TLL1: variants seen among roughly 807,000 people sequenced by gnomAD.
TLL1 encodes tolloid-like protein 1.
TLL1 carries 49 observed loss-of-function variants against 128.2 expected under a neutral mutation model. The ratio of observed to expected loss-of-function variants is 0.38; its 90% confidence interval spans 0.30 to 0.48. The LOEUF (loss-of-function observed/expected upper bound fraction) is 0.48. TLL1 is among the 20% of genes least tolerant of loss of function. The pLI, the probability that TLL1 is intolerant of heterozygous loss-of-function variation, is 0.96. For missense variants in TLL1, 1,123 were observed against 1,242.0 expected (o/e 0.90, Z 1.44); for synonymous variants, 454 against 418.8 (o/e 1.08, Z -1.03).
intron 9 of TLL1, among the ~76,000 whole-genome samples, chr4:166,036,456 T>G (rs546512242): frequency 1.3e-5 from 2 of 152,194 alleles, no homozygotes; most frequent in Non-Finnish European, 2.9e-5. Flanking sequence ...GTTTTGTATT[T>G]TTCATTTGAT....
In TLL1 at chr4:166,003,518, A is replaced by C. The variant is rs74539504; in HGVS notation, c.760A>C (p.Arg254=). Residue 254 remains arginine, a synonymous_variant, in exon 6 of 21, where the codon AGA becomes CGA. Transcript: ENST00000061240. The part of the protein sequence containing the change: ...HVIGFWHEHT[R]PDRDNHVTII... ...GATAGGCTTTTGGCATGAACACACA[A>C]GACCAGATCGAGATAACCACGTAAC... The C allele has an allele frequency of 2.6e-3, 4,176 of 1,614,056 alleles. 85 individuals carry two copies. The African/African-American group carries it at 0.048, about 19-fold the overall frequency.
intron 11 of TLL1, among the ~76,000 whole-genome samples, chr4:166,042,734 G>C (rs1739291804): frequency 6.6e-6 from 1 of 152,170 alleles, no homozygotes; most frequent in Non-Finnish European, 1.5e-5. Flanking sequence ...TAATTTTGAA[G>C]ACAGAAGATT....
chr4:165,971,765 T>C (rs941946120), intron 1 of TLL1, among the ~76,000 whole-genome samples: 10 of 152,216 alleles, frequency 6.6e-5, no homozygotes, highest in Non-Finnish European at 5.9e-5. Context: ...TTATCCACTT[T>C]TAGGATGTTG....
At chr4:165,956,603 C>T (rs1031080177) in intron 1 of TLL1, among the ~76,000 whole-genome samples, 1 of 152,002 alleles carries the variant, frequency 6.6e-6, no homozygotes, top group African/African-American at 2.4e-5. Context: ...CTAAAAATCA[C>T]TGTTATTCTC....
At chr4:165,893,163 G>A (rs1269155866) in intron 1 of TLL1, among the ~76,000 whole-genome samples, 1 of 152,308 alleles carries the variant, frequency 6.6e-6, no homozygotes, top group African/African-American at 2.4e-5. Context: ...TATATTTCTT[G>A]ATATAGGACT....
intron 1 of TLL1, among the ~76,000 whole-genome samples, chr4:165,939,367 A>G (rs930248918): frequency 3.7e-4 from 56 of 152,190 alleles, no homozygotes; most frequent in African/African-American, 1.3e-3. Context: ...TGTGACTCTT[A>G]TGCCTCATGC....
chr4:165,992,878 G>A lies in TLL1; in HGVS notation c.355G>A (p.Gly119Ser). ...YQLIDRIRRI[G>S]FGLEQNNTVK... ...ACTTATAGACAGGATAAGAAGAATT[G>A]GCTTTGGTATATCAATGTTTAAAGT... Residue 119 changes from glycine (G) to serine (S), a missense_variant, in exon 3 of 21, where the codon GGC becomes AGC. Gly to Ser is a moderately conservative substitution (Grantham distance 56). Around this residue, in one of 3 missense-constraint regions of TLL1, gnomAD observed 480 missense variants for 542.4 expected, o/e 0.89. Coordinates refer to ENST00000061240, the MANE Select transcript of TLL1 (RefSeq NM_012464.5). 6.2e-7 allele frequency: 1 copy of A among 1,613,020 alleles called. No homozygotes were observed. Among genetic ancestry groups the A allele is most frequent in the Non-Finnish European group, 8.5e-7 (1 of 1,179,232 alleles).
In TLL1 at chr4:165,958,543, C is replaced by G. The variant is rs1315295206; in HGVS notation, c.170-30838C>G. The stretch of plus-strand genomic sequence containing the variant: ...AGTGTCTGTTCATATCCTTTGCCCA[C>G]TTTTTGATGGGGTTGTTTGTTTTTT... On this transcript the variant is annotated intron_variant, in intron 1 of 20. Coordinates refer to ENST00000061240, the MANE Select transcript of TLL1 (RefSeq NM_012464.5). 3.2e-4 allele frequency among the ~76,000 whole-genome samples: 48 copies of G among 150,260 alleles called. No individual in the cohort carries two copies. In the East Asian group the frequency reaches 9.0e-3, roughly 28 times the overall value.
At chr4:165,986,873 AT>A (rs1736414573) in intron 1 of TLL1, among the ~76,000 whole-genome samples, 1 of 152,130 alleles carries the variant, frequency 6.6e-6, no homozygotes, top group Non-Finnish European at 1.5e-5. Flanking sequence ...TTTATCTGAA[AT>A]GCAGTATTGA....
chr4:166,094,529 C>T (rs934196468), intron 19 of TLL1, among the ~76,000 whole-genome samples: 1 of 152,088 alleles, frequency 6.6e-6, no homozygotes, highest in African/African-American at 2.4e-5. Flanking sequence ...ATTTGTTAGG[C>T]AAAACGGGCC....
At chr4:166,084,717 A>G (rs1456361225) in intron 18 of TLL1, among the ~76,000 whole-genome samples, 1 of 151,990 alleles carries the variant, frequency 6.6e-6, no homozygotes, top group Non-Finnish European at 1.5e-5. Flanking sequence ...TTCTGGACTC[A>G]CTATTCTGTT....
chr4:166,092,912 T>C (rs1741840236), intron 19 of TLL1, among the ~76,000 whole-genome samples: 1 of 152,166 alleles, frequency 6.6e-6, no homozygotes, highest in East Asian at 1.9e-4. Flanking sequence ...TTTTCTCATC[T>C]GTAAAATAAT....
In TLL1 at chr4:166,103,350, T is replaced by C. The variant is rs1742373135; in HGVS notation, c.*2474T>C. ...TACCAATGATAGCTATCTTTAAGAA[T>C]CAGAATTAGTACTAGAAATTTAAAA... On this transcript the variant is annotated 3_prime_UTR_variant, in exon 21 of 21. Coordinates refer to ENST00000061240, the MANE Select transcript of TLL1 (RefSeq NM_012464.5). The C allele has an allele frequency of 6.6e-6, 1 of 151,846 alleles. No individual in the cohort carries two copies. 9.4% of individuals were successfully genotyped at this position (151,846 alleles called of 1,614,324 possible).
At chr4:165,934,173 CTTTTTTTTTT>C (rs779010027) in intron 1 of TLL1, among the ~76,000 whole-genome samples, 1 of 108,304 alleles carries the variant, frequency 9.2e-6, no homozygotes, top group South Asian at 3.1e-4. Flanking sequence ...TAATTTTTTG[CTTTTTTTTTT>C]TTTTTTTTTT....
At chr4:165,902,055 C>A (rs1732017921) in intron 1 of TLL1, among the ~76,000 whole-genome samples, 1 of 152,098 alleles carries the variant, frequency 6.6e-6, no homozygotes, top group South Asian at 2.1e-4. Context: ...GAGGGGAAAA[C>A]CGACTACTTA....
intron 1 of TLL1, among the ~76,000 whole-genome samples, chr4:165,923,421 C>CTTTTTTTTTTTTGTTTTTTTT (rs1733128059): frequency 1.4e-5 from 1 of 70,832 alleles, no homozygotes; most frequent in Admixed American, 2.4e-4. Context: ...ATAGGTATAC[C>CTTTTTTTTTTTTGTTTTTTTT]TTTTTTTTTT....
rs559990236 is a variant in TLL1 at position 165,947,737 on chromosome 4, G to A, written c.170-41644G>A. Among the ~76,000 whole-genome samples the A allele has an allele frequency of 3.9e-5, 6 of 152,184 alleles. 1 individual carries two copies. In the East Asian group the frequency reaches 1.2e-3, roughly 30 times the overall value. On this transcript the variant is annotated intron_variant, in intron 1 of 20. Transcript: ENST00000061240. ...CAGGGTGCTTCTAGAAATCTGAAGGGTGTTGTCACTGATCCATGTTTGCAG... is the reference window on the plus strand; with the variant it reads ...CAGGGTGCTTCTAGAAATCTGAAGGATGTTGTCACTGATCCATGTTTGCAG...
At position 165,936,206 on chromosome 4, in the gene TLL1, A is replaced by ATAT. The variant is rs765472596; in HGVS notation, c.170-53174_170-53173insATT. Among the ~76,000 whole-genome samples, 548 of 139,598 alleles carry ATAT rather than the reference A, an allele frequency of 3.9e-3. 4 individuals carry two copies. Among genetic ancestry groups the ATAT allele is most frequent in the African/African-American group, 0.013 (491 of 37,842 alleles). The allele number at this position is 139,598 out of a possible 152,430, so 91.6% of individuals were successfully genotyped here. ...CATTTTGCTTCATATATATATATAT[A>ATAT]TTTTTTTTTCTTTTTTCTTTTTTTT... On this transcript the variant is annotated intron_variant, in intron 1 of 20. Transcript: ENST00000061240.
chr4:166,026,807 G>C (rs1292586501), intron 9 of TLL1, among the ~76,000 whole-genome samples: 1 of 152,088 alleles, frequency 6.6e-6, no homozygotes, highest in Admixed American at 6.6e-5. Flanking sequence ...AAATTTAAAA[G>C]ATTGTTAGAA....
Sources: allele counts gnomAD v4.1 joint callset (sites outside exome capture counted in the v4.1 genomes callset), GRCh38; gene constraint gnomAD v4.1.1; regional missense constraint gnomAD v4.1.1; transcripts MANE v1.5; gene names NCBI Gene and HGNC (gene_info 2026-07-23, HGNC 2026-07-21).